The following DSC2 variants were observed in gnomAD, a reference collection of about 807,000 sequenced individuals.
DSC2 encodes the protein desmocollin 2.
Under a neutral mutation model 87.6 loss-of-function variants are expected in DSC2, and 51 were observed. The observed-to-expected ratio is 0.58, with a 90% confidence interval of 0.46 to 0.74. The LOEUF (loss-of-function observed/expected upper bound fraction) is 0.74, where lower values mean the gene tolerates loss of function less well. Ranked by LOEUF, DSC2 falls within the 30% of genes least tolerant of loss-of-function variation. The pLI, the probability that DSC2 is intolerant of heterozygous loss-of-function variation, is 0.00. For missense variants in DSC2, 1,066 were observed against 1,089.5 expected (o/e 0.98, Z 0.30); for synonymous variants, 383 against 393.2 (o/e 0.97, Z 0.31).
intron 7 of DSC2, among the ~76,000 whole-genome samples, chr18:31,084,176 C>T (rs1202125184): frequency 2.0e-5 from 3 of 152,098 alleles, no homozygotes; most frequent in African/African-American, 7.2e-5. Flanking sequence ...TAGGCATTAT[C>T]TAAAATAAAA....
rs1166821887 is a variant in DSC2 at position 31,102,189 on chromosome 18, A to T, written c.-218T>A. ...CCTTTGGCGGAGGGAGGGGCTCCAGACGCGTCCAAAAGACACCGATCGGCC... is the reference window on the plus strand; with the variant it reads ...CCTTTGGCGGAGGGAGGGGCTCCAGTCGCGTCCAAAAGACACCGATCGGCC... On this transcript the variant is annotated 5_prime_UTR_variant, in exon 1 of 16. Coordinates refer to ENST00000280904, the MANE Select transcript of DSC2 (RefSeq NM_024422.6). 4.5e-5 allele frequency: 21 copies of T among 465,028 alleles called. No individual in the cohort carries two copies. In the East Asian group the frequency reaches 7.5e-4, roughly 17 times the overall value. The allele number at this position is 465,028 out of a possible 1,614,324, so 28.8% of individuals were successfully genotyped here. A position where few individuals can be genotyped will look rare whatever the true frequency, so the allele number is the denominator to read the frequency against.
chr18:31,086,827 A>G, intron 6 of DSC2, 85 bp from the exon 7 acceptor site: 1 of 1,488,390 alleles, frequency 6.7e-7, no homozygotes, highest in South Asian at 1.2e-5. Flanking sequence ...CCCACCTCAA[A>G]AAAGTTCTGG....
At chr18:31,084,312 A>ACAT (rs1448447856) in intron 7 of DSC2, among the ~76,000 whole-genome samples, 1 of 152,158 alleles carries the variant, frequency 6.6e-6, no homozygotes, top group East Asian at 1.9e-4. Flanking sequence ...AAATTTTAAA[A>ACAT]CATCATGCTA....
chr18:31,086,822 C>T (rs1987417018), intron 6 of DSC2, 80 bp from the exon 7 acceptor site: 2 of 1,512,558 alleles, frequency 1.3e-6, no homozygotes, highest in African/African-American at 1.4e-5. Flanking sequence ...TTTCACCCAC[C>T]TCAAAAAAGT....
At chr18:31,077,914 T>C (rs1987076056) in intron 11 of DSC2, among the ~76,000 whole-genome samples, 1 of 152,090 alleles carries the variant, frequency 6.6e-6, no homozygotes. Flanking sequence ...ACAATTTAGA[T>C]TAAGAAGTTA....
At chr18:31,101,577 C>G in intron 1 of DSC2, 1 of 313,854 alleles carries the variant, frequency 3.2e-6, no homozygotes, top group Non-Finnish European at 5.6e-6. Context: ...CCGGCGCACT[C>G]CCGCCCCGGC....
At chr18:31,096,314 A>C (rs1379439495) in intron 1 of DSC2, among the ~76,000 whole-genome samples, 1 of 152,216 alleles carries the variant, frequency 6.6e-6, no homozygotes, top group Non-Finnish European at 1.5e-5. Context: ...CCAAAACTGA[A>C]GATAAAGCTG....
intron 12 of DSC2, among the ~76,000 whole-genome samples, chr18:31,073,362 T>TAC (rs1178196934): frequency 8.9e-6 from 1 of 112,098 alleles, no homozygotes; most frequent in African/African-American, 3.5e-5. Context: ...ATAACCCCGA[T>TAC]ACACACACAC....
chr18:31,071,897 A>C (rs1986850193), intron 12 of DSC2, 56 bp from the exon 13 acceptor site: 8 of 1,412,580 alleles, frequency 5.7e-6, no homozygotes, highest in African/African-American at 1.4e-5. Context: ...ATTTCTTCTG[A>C]ACATAAATAA....
At chr18:31,090,911 CA>C (rs1376117044) in intron 4 of DSC2, 116 bp downstream of exon 4, 2 of 1,388,660 alleles carry the variant, frequency 1.4e-6, no homozygotes, top group Non-Finnish European at 2.0e-6. Context: ...ATATTATACA[CA>C]TACTCATTCA....
At chr18:31,083,181 C>T (rs754691780) in intron 7 of DSC2, 121 bp from the exon 8 acceptor site, 1 of 1,125,782 alleles carries the variant, frequency 8.9e-7, no homozygotes, top group Non-Finnish European at 1.3e-6. Flanking sequence ...TTACATTTCA[C>T]AGCATTCGTG....
chr18:31,098,610 A>C (rs1250315209), intron 1 of DSC2, among the ~76,000 whole-genome samples: 1 of 151,840 alleles, frequency 6.6e-6, no homozygotes, highest in Non-Finnish European at 1.5e-5. Flanking sequence ...ATGCACCACC[A>C]TGCCTGGCTA....
intron 14 of DSC2, among the ~76,000 whole-genome samples, chr18:31,070,107 C>G (rs1398096004): frequency 6.6e-6 from 1 of 152,034 alleles, no homozygotes; most frequent in Non-Finnish European, 1.5e-5. Flanking sequence ...TTTTCATTAC[C>G]TTCCTGGATA....
At chr18:31,091,952 C>G in intron 3 of DSC2, 149 bp downstream of exon 3, 1 of 738,644 alleles carries the variant, frequency 1.4e-6, no homozygotes. Flanking sequence ...CAGCCCTTTT[C>G]CTTCTAAACA....
At chr18:31,084,982 A>C (rs1598585290) in intron 7 of DSC2, among the ~76,000 whole-genome samples, 1 of 152,244 alleles carries the variant, frequency 6.6e-6, no homozygotes, top group Middle Eastern at 3.4e-3. Flanking sequence ...ATATAGAATG[A>C]TGTACTGGTA....
chr18:31,085,754 T>A (rs1252700416), intron 7 of DSC2, among the ~76,000 whole-genome samples: 1 of 151,892 alleles, frequency 6.6e-6, no homozygotes, highest in Non-Finnish European at 1.5e-5. Flanking sequence ...CTGATAAACA[T>A]CTATTACTAT....
At chr18:31,099,664 T>C (rs1376844885) in intron 1 of DSC2, among the ~76,000 whole-genome samples, 1 of 151,852 alleles carries the variant, frequency 6.6e-6, no homozygotes, top group African/African-American at 2.4e-5. Flanking sequence ...ATATAAAGAA[T>C]GAGTCATTTG....
Position 31,087,722 on chromosome 18 carries a change from G to A in DSC2, c.722C>T (p.Pro241Leu). The A allele has an allele frequency of 6.2e-7, 1 of 1,613,698 alleles. No individual in the cohort carries two copies. Among genetic ancestry groups the A allele is most frequent in the South Asian group, 1.1e-5 (1 of 91,068 alleles). ...AGTATAAGTTTCTTCTGTAAAAATT[G>A]GGTAGTTATCATTTTCATCCTCTAT... is the stretch of plus-strand genomic sequence containing the variant. ...IKIEDENDNY[P>L]IFTEETYTFT... The change falls in exon 6 of 16, where the codon CCA (proline) becomes CTA (leucine). Residue 241 changes from proline to leucine, a missense_variant. By Grantham distance (98) the Pro-to-Leu change is moderately conservative (BLOSUM62 -3). Coordinates refer to ENST00000280904, the MANE Select transcript of DSC2 (RefSeq NM_024422.6).
At chr18:31,092,414 T>G in intron 2 of DSC2, 114 bp from the exon 3 acceptor site, 1 of 849,476 alleles carries the variant, frequency 1.2e-6, no homozygotes, top group East Asian at 2.7e-5. Flanking sequence ...TACTGACACT[T>G]GTAAATTTTT....
Sources: allele counts gnomAD v4.1 joint callset (sites outside exome capture counted in the v4.1 genomes callset), GRCh38; gene constraint gnomAD v4.1.1; transcripts MANE v1.5; gene names NCBI Gene and HGNC (gene_info 2026-07-23, HGNC 2026-07-21).